Variants in RBM43 observed in about 807,000 individuals in gnomAD.
The protein encoded by RBM43 is RNA binding motif protein 43.
In RBM43, 12 loss-of-function variants were observed where a neutral mutation model predicts 12.4. That is an observed-to-expected ratio of 0.97 (90% confidence interval 0.62 to 1.57). The LOEUF is 1.57. Among genes scored for constraint, RBM43 ranks in the 40% most tolerant of loss-of-function variants. The pLI, the probability that RBM43 is intolerant of heterozygous loss-of-function variation, is 0.00. For synonymous variants in RBM43, 138 were observed against 145.7 expected (o/e 0.95, Z 0.38); for missense variants, 348 against 400.1 (o/e 0.87, Z 1.11).
At position 151,251,128 on chromosome 2, in the gene RBM43, T is replaced by G. The variant is rs773825810; in HGVS notation, c.852A>C (p.Ser284=). 4 of 1,613,724 alleles carry G rather than the reference T, an allele frequency of 2.5e-6. No individual in the cohort carries two copies. The Admixed American group carries it at 6.7e-5, about 27-fold the overall frequency. Residue 284 remains serine (S), a synonymous_variant, in exon 4 of 4, where the codon TCA becomes TCC. Coordinates refer to ENST00000331426, the MANE Select transcript of RBM43 (RefSeq NM_198557.3). ...TTCTAAGCTTTAAGTAAAGAGCATG[T>G]GACCATTCCTCAATGAGCTCTTTTA... is the stretch of plus-strand genomic sequence containing the variant. ...KHVKELIEEW[S]HALYLKLRKE...
rs1005009951 is a variant in RBM43, at chr2:151,261,798, G to A, written c.-71C>T. On this transcript the variant is annotated 5_prime_UTR_variant, in exon 1 of 4. Transcript: ENST00000331426. ...CAGCGGAACGCAGGCGATGGGGAGA[G>A]GAGCGAGCAGGCAGGTTTTGGTTTC... The A allele has an allele frequency of 5.8e-6, 9 of 1,545,096 alleles. No homozygotes were observed. Among genetic ancestry groups the A allele is most frequent in the African/African-American group, 1.4e-5 (1 of 71,790 alleles).
Position 151,251,532 on chromosome 2 carries a change from T to G in RBM43, c.448A>C (p.Ile150Leu), listed in dbSNP as rs756194084. The G allele has an allele frequency of 6.2e-7, 1 of 1,614,208 alleles. No homozygotes were observed. Among genetic ancestry groups the G allele is most frequent in the Non-Finnish European group, 8.5e-7 (1 of 1,180,030 alleles). Residue 150 changes from isoleucine to leucine, a missense_variant, in exon 4 of 4, where the codon ATC (isoleucine) becomes CTC (leucine). Ile to Leu is a conservative substitution (Grantham distance 5). Coordinates refer to ENST00000331426, the MANE Select transcript of RBM43 (RefSeq NM_198557.3). Reference protein sequence around the residue: ...SFSPLKPNGRISVEGSFLAVK... With the variant: ...SFSPLKPNGRLSVEGSFLAVK... ...GCCAGAAATGATCCTTCCACGGAGA[T>G]TCTTCCATTGGGTTTCAAAGGACTG...
At chr2:151,258,691 G>C (rs1289865250) in intron 1 of RBM43, among the ~76,000 whole-genome samples, 38 of 151,846 alleles carry the variant, frequency 2.5e-4, no homozygotes, top group Admixed American at 2.5e-3. Flanking sequence ...ACAGAGCAAG[G>C]CTCTGTCTCA....
chr2:151,251,338 A>G lies in RBM43; in HGVS notation c.642T>C (p.Ala214=), dbSNP rs1283494223. 1 of 1,614,126 alleles carries G rather than the reference A, an allele frequency of 6.2e-7. No individual in the cohort carries two copies. The highest frequency in any genetic ancestry group is 1.1e-5 in the South Asian group (1 of 91,072). Residue 214 remains alanine, a synonymous_variant, in exon 4 of 4, where the codon GCT becomes GCC. Transcript: ENST00000331426. Reference sequence around the variant, plus strand: ...CAAGCACAAGCATTTCTCCACTTCTAGCAGTCTCAGGTACTAAGGTCCTGA... The same window carrying G: ...CAAGCACAAGCATTTCTCCACTTCTGGCAGTCTCAGGTACTAAGGTCCTGA... ...ASVRTLVPET[A]RSGEMLVLDT...
chr2:151,258,384 TA>T (rs113416005), intron 1 of RBM43, among the ~76,000 whole-genome samples: 3,779 of 141,410 alleles, frequency 0.027, 146 homozygotes, highest in African/African-American at 0.088. Flanking sequence ...TATTTTACTT[TA>T]AAAAAAAAAA....
At chr2:151,261,220 A>T in intron 1 of RBM43, 1 of 1,533,028 alleles carries the variant, frequency 6.5e-7, no homozygotes, top group Non-Finnish European at 8.8e-7. Context: ...GACATAAGAC[A>T]TGAGGATGTC....
At chr2:151,259,001 G>T (rs1444193457) in intron 1 of RBM43, among the ~76,000 whole-genome samples, 1 of 151,750 alleles carries the variant, frequency 6.6e-6, no homozygotes, top group Non-Finnish European at 1.5e-5. Flanking sequence ...AAATTAGCTG[G>T]GCGTGGTGGC....
Position 151,251,092 on chromosome 2 carries a change from A to G in RBM43, c.888T>C (p.Phe296=). Residue 296 remains phenylalanine (F), a synonymous_variant, in exon 4 of 4, where the codon TTT becomes TTC. Coordinates refer to ENST00000331426, the MANE Select transcript of RBM43 (RefSeq NM_198557.3). The part of the protein sequence containing the change: ...ALYLKLRKET[F]ILEGKENREK... ...CTCTATTTTCCTTTCCTTCCAAAAT[A>G]AATGTCTCTTTTCTAAGCTTTAAGT... 6.2e-7 allele frequency: 1 copy of G among 1,613,814 alleles called. No homozygotes were observed.
intron 1 of RBM43, among the ~76,000 whole-genome samples, chr2:151,255,950 A>T (rs1427678490): frequency 6.6e-6 from 1 of 152,168 alleles, no homozygotes; most frequent in African/African-American, 2.4e-5. Flanking sequence ...AGTTAAATGT[A>T]AAAATTAAAC....
At chr2:151,258,895 C>A (rs1475042743) in intron 1 of RBM43, among the ~76,000 whole-genome samples, 1 of 152,184 alleles carries the variant, frequency 6.6e-6, no homozygotes, top group Non-Finnish European at 1.5e-5. Flanking sequence ...GTAATCCCTG[C>A]ACTTTGGGAG....
chr2:151,249,216 C>G lies in RBM43; in HGVS notation c.*1690G>C, dbSNP rs1248757694. The G allele has an allele frequency of 6.6e-6, 1 of 152,078 alleles. No homozygotes were observed. Among genetic ancestry groups the G allele is most frequent in the Non-Finnish European group, 1.5e-5 (1 of 68,026 alleles). 9.4% of individuals were successfully genotyped at this position (152,078 alleles called of 1,614,324 possible). ...CAGCTTTGTATCCCACTTCTGACAC[C>G]ATGCATGTCAAAGTCAAAATGAAAA... On this transcript the variant is annotated 3_prime_UTR_variant, in exon 4 of 4. Transcript: ENST00000331426.
chr2:151,261,394 G>T (rs757801877), intron 1 of RBM43: 2 of 1,550,624 alleles, frequency 1.3e-6, no homozygotes, highest in Non-Finnish European at 8.7e-7. Context: ...GACGAACGGC[G>T]GCGTCCCCGT....
At chr2:151,260,843 T>A (rs2105194925) in intron 1 of RBM43, 1 of 192,320 alleles carries the variant, frequency 5.2e-6, no homozygotes, top group Middle Eastern at 2.6e-3. Context: ...AGCCAAGACA[T>A]ACTAACGTGA....
intron 1 of RBM43, among the ~76,000 whole-genome samples, chr2:151,255,972 T>A (rs1190227908): frequency 6.6e-6 from 1 of 152,212 alleles, no homozygotes; most frequent in Non-Finnish European, 1.5e-5. Context: ...CTTCTTTTTT[T>A]CTTTTTTGAG....
chr2:151,251,260 T>G lies in RBM43; in HGVS notation c.720A>C (p.Thr240=), dbSNP rs146570389. The change falls in exon 4 of 4, where the codon ACA becomes ACC. Residue 240 remains threonine (T), a synonymous_variant. Coordinates refer to ENST00000331426, the MANE Select transcript of RBM43 (RefSeq NM_198557.3). ...GACTCAGAATGTGGAATTTTTTCAG[T>G]GTGCTTTCATAAGATCCACACTTGT... ...LKHKCGSYES[T]LKKFHILSQE... 6.2e-7 allele frequency: 1 copy of G among 1,613,776 alleles called. No homozygotes were observed. The highest frequency in any genetic ancestry group is 8.5e-7 in the Non-Finnish European group (1 of 1,180,008).
At chr2:151,261,288 T>A (rs773681717) in intron 1 of RBM43, 174 of 1,550,486 alleles carry the variant, frequency 1.1e-4, no homozygotes, top group Non-Finnish European at 1.5e-4. Flanking sequence ...AAAAGGCAGC[T>A]GTGACCTCCA....
At chr2:151,251,725 T>A in intron 3 of RBM43, 61 bp from the exon 4 acceptor site, 1 of 1,466,058 alleles carries the variant, frequency 6.8e-7, no homozygotes, top group African/African-American at 1.4e-5. Context: ...TACATAAACA[T>A]GTTCTTTTCT....
At chr2:151,252,713 G>T in intron 3 of RBM43, 42 bp downstream of exon 3, 1 of 1,045,922 alleles carries the variant, frequency 9.6e-7, no homozygotes, top group Non-Finnish European at 1.5e-6. Context: ...AAAAAGAAAT[G>T]GGATACAGGA....
chr2:151,248,208 CAA>C lies in RBM43; in HGVS notation c.*2696_*2697del. 6.6e-6 allele frequency: 1 copy of C among 152,134 alleles called. No individual in the cohort carries two copies. The highest frequency in any genetic ancestry group is 2.4e-5 in the African/African-American group (1 of 41,506). The allele number at this position is 152,134 out of a possible 1,614,324, so 9.4% of individuals were successfully genotyped here. A position where few individuals can be genotyped will look rare whatever the true frequency, so the allele number is the denominator to read the frequency against. The stretch of plus-strand genomic sequence containing the variant: ...GAATTATGTGAGTAGGACCAAAAGA[CAA>C]GAGTGATTTTTAACAAGGTTTATAC... On this transcript the variant is annotated 3_prime_UTR_variant, in exon 4 of 4. Transcript: ENST00000331426.
Sources: gnomAD v4.1 joint callset for allele counts (sites outside exome capture counted in the v4.1 genomes callset) on GRCh38, gnomAD v4.1.1 for gene constraint, MANE v1.5 for transcripts, NCBI Gene and HGNC (gene_info 2026-07-23, HGNC 2026-07-21) for gene names.